Variants in RAB30 observed in about 807,000 individuals in gnomAD.
RAB30 encodes the protein ras-related protein Rab-30.
A neutral mutation model predicts 25.1 loss-of-function variants in RAB30; 9 were observed. That is an observed-to-expected ratio of 0.36 (90% CI 0.22 to 0.63). RAB30 has a LOEUF of 0.63. RAB30 is among the 20% of genes least tolerant of loss of function. RAB30 has a pLI of 0.69. For synonymous variants in RAB30, 77 were observed against 86.4 expected (o/e 0.89, Z 0.60); for missense variants, 140 against 243.5 (o/e 0.58, Z 2.83).
intron 1 of RAB30, chr11:83,041,182 T>C (rs1858103839): frequency 6.9e-6 from 1 of 145,308 alleles, no homozygotes; most frequent in African/African-American, 2.5e-5. Context: ...GGAGACAGAG[T>C]GAAACTCTGT....
chr11:83,020,182 A>G (rs1857536714), intron 1 of RAB30, among the ~76,000 whole-genome samples: 1 of 152,274 alleles, frequency 6.6e-6, no homozygotes, highest in Non-Finnish European at 1.5e-5. Flanking sequence ...AGCTACAGCC[A>G]CTCAAACCAC....
intron 1 of RAB30, among the ~76,000 whole-genome samples, chr11:83,020,976 T>C (rs1857563577): frequency 6.6e-6 from 1 of 152,034 alleles, no homozygotes; most frequent in Non-Finnish European, 1.5e-5. Flanking sequence ...TTACCTTCTC[T>C]GCTGATAGCA....
chr11:83,053,998 G>A (rs936870648), intron 1 of RAB30, among the ~76,000 whole-genome samples: 1 of 152,200 alleles, frequency 6.6e-6, no homozygotes, highest in African/African-American at 2.4e-5. Flanking sequence ...GCTGAGGCAG[G>A]AGAAACGCTT....
chr11:82,973,974 A>G lies in RAB30; in HGVS notation c.*8191T>C, dbSNP rs1471582162. ...TACAACATGGATGAGCTTTAAAAAC[A>G]TTATGCTTACTTAGAGAAGCCAGAC... On this transcript the variant is annotated 3_prime_UTR_variant, in exon 5 of 5. Transcript: ENST00000527633. The G allele has an allele frequency of 6.6e-6, 1 of 152,130 alleles. No homozygotes were observed. The highest frequency in any genetic ancestry group is 1.5e-5 in the Non-Finnish European group (1 of 68,004). 9.4% of individuals were successfully genotyped at this position (152,130 alleles called of 1,614,324 possible).
rs543686795 is a variant in RAB30, at chr11:83,055,135, C to T, written c.-9+16556G>A. Among the ~76,000 whole-genome samples the T allele has an allele frequency of 3.9e-5, 6 of 152,358 alleles. No homozygotes were observed. The South Asian group carries it at 1.2e-3, about 32-fold the overall frequency. ...TCTCTCTGAGTCACAATTTCTGCAT[C>T]TGCATCTGCATCTGTTAATTGGAGC... On this transcript the variant is annotated intron_variant, in intron 1 of 4. Coordinates refer to ENST00000527633, the MANE Select transcript of RAB30 (RefSeq NM_001286060.2).
chr11:83,060,715 T>C (rs1181364188), intron 1 of RAB30, among the ~76,000 whole-genome samples: 1 of 152,132 alleles, frequency 6.6e-6, no homozygotes, highest in Non-Finnish European at 1.5e-5. Flanking sequence ...GGTGGTTAAT[T>C]TTAGGTGTCA....
In RAB30 at chr11:82,982,129, A is replaced by T; in HGVS notation, c.*36T>A. 1 of 1,612,622 alleles carries T rather than the reference A, an allele frequency of 6.2e-7. No individual in the cohort carries two copies. The highest frequency in any genetic ancestry group is 1.3e-5 in the African/African-American group (1 of 75,018). ...CCAGCATCTCATGGCCCATCAGGGC[A>T]GTTGCTGATTCCTTTTCTTCTCCGT... is the stretch of plus-strand genomic sequence containing the variant. On this transcript the variant is annotated 3_prime_UTR_variant, in exon 5 of 5. Transcript: ENST00000527633.
chr11:83,056,982 G>C (rs1858470760), intron 1 of RAB30, among the ~76,000 whole-genome samples: 2 of 152,120 alleles, frequency 1.3e-5, no homozygotes, highest in Non-Finnish European at 1.5e-5. Context: ...ATCTGTGGCA[G>C]GTAATAGTCA....
At chr11:83,016,186 T>C (rs1424114074) in intron 1 of RAB30, among the ~76,000 whole-genome samples, 2 of 151,994 alleles carry the variant, frequency 1.3e-5, no homozygotes, top group Non-Finnish European at 2.9e-5. Context: ...TGGCCTTAGA[T>C]TTGGCAACAT....
intron 1 of RAB30, among the ~76,000 whole-genome samples, chr11:83,048,876 G>A (rs1858290697): frequency 6.6e-6 from 1 of 152,180 alleles, no homozygotes; most frequent in South Asian, 2.1e-4. Flanking sequence ...CTGCTGCTGG[G>A]CCCCAGCATG....
intron 1 of RAB30, among the ~76,000 whole-genome samples, chr11:83,000,964 G>A (rs1180169368): frequency 4.1e-5 from 6 of 145,280 alleles, no homozygotes; most frequent in Admixed American, 3.5e-4. Context: ...GGAGAATGGC[G>A]TGAACCCAGA....
chr11:83,015,691 AT>A (rs1489935126), intron 1 of RAB30, among the ~76,000 whole-genome samples: 2 of 152,230 alleles, frequency 1.3e-5, no homozygotes, highest in Non-Finnish European at 2.9e-5. Flanking sequence ...GAAGAGGGCC[AT>A]TTCAGAACCT....
chr11:83,043,792 C>T (rs1858180150), intron 1 of RAB30, among the ~76,000 whole-genome samples: 1 of 151,986 alleles, frequency 6.6e-6, no homozygotes, highest in Non-Finnish European at 1.5e-5. Flanking sequence ...AGAAAAAAAA[C>T]CACACACCTC....
At position 82,976,515 on chromosome 11, in the gene RAB30, C is replaced by CGTCAGGATTCTA; in HGVS notation, c.*5649_*5650insTAGAATCCTGAC. 1 of 152,272 alleles carries CGTCAGGATTCTA rather than the reference C, an allele frequency of 6.6e-6. No individual in the cohort carries two copies. Among genetic ancestry groups the CGTCAGGATTCTA allele is most frequent in the East Asian group, 1.9e-4 (1 of 5,184 alleles). The allele number at this position is 152,272 out of a possible 1,614,324, so 9.4% of individuals were successfully genotyped here. A position where few individuals can be genotyped will look rare whatever the true frequency, so the allele number is the denominator to read the frequency against. On this transcript the variant is annotated 3_prime_UTR_variant, in exon 5 of 5. Coordinates refer to ENST00000527633, the MANE Select transcript of RAB30 (RefSeq NM_001286060.2). ...AAGTGTCAAAGTCAGCAACCACCAC[C>CGTCAGGATTCTA]GATTCCGTCAGGAACTAGAACACAG...
chr11:83,014,770 AAGAG>A (rs770523998), intron 1 of RAB30, among the ~76,000 whole-genome samples: 1 of 151,642 alleles, frequency 6.6e-6, no homozygotes, highest in African/African-American at 2.4e-5. Flanking sequence ...GAGAGAAAGA[AAGAG>A]AAAGAAAGAA....
Position 83,025,156 on chromosome 11 carries a change from T to G in RAB30, c.-8-27832A>C, listed in dbSNP as rs1340189970. ...CCAGGACTTCACATTGATAATACCTTCATATCTGATTTTTTAACAACAAAA... is the reference window on the plus strand; with the variant it reads ...CCAGGACTTCACATTGATAATACCTGCATATCTGATTTTTTAACAACAAAA... On this transcript the variant is annotated intron_variant, in intron 1 of 4. Transcript: ENST00000527633. Among the ~76,000 whole-genome samples, 2 of 152,230 alleles carry G rather than the reference T, an allele frequency of 1.3e-5. 1 individual carries two copies. Among genetic ancestry groups the G allele is most frequent in the Non-Finnish European group, 2.9e-5 (2 of 68,032 alleles).
At chr11:83,005,694 T>G (rs139967860) in intron 1 of RAB30, among the ~76,000 whole-genome samples, 8 of 152,166 alleles carry the variant, frequency 5.3e-5, no homozygotes, top group Non-Finnish European at 1.0e-4. Flanking sequence ...AGAGAAGGCT[T>G]TCTAAGAATT....
intron 1 of RAB30, among the ~76,000 whole-genome samples, chr11:83,011,297 T>C (rs1052215872): frequency 6.6e-6 from 1 of 152,244 alleles, no homozygotes; most frequent in Non-Finnish European, 1.5e-5. Context: ...ATCGTTGTTG[T>C]AATCGCATCA....
chr11:83,000,370 C>A (rs1202937176), intron 1 of RAB30, among the ~76,000 whole-genome samples: 4 of 152,214 alleles, frequency 2.6e-5, no homozygotes, highest in African/African-American at 9.7e-5. Context: ...AACTCTACCA[C>A]CCTGTAGAAG....
Sources: allele counts gnomAD v4.1 joint callset (sites outside exome capture counted in the v4.1 genomes callset), GRCh38; gene constraint gnomAD v4.1.1; transcripts MANE v1.5; gene names NCBI Gene and HGNC (gene_info 2026-07-23, HGNC 2026-07-21).